ADAMTSL3: variants seen among roughly 807,000 people sequenced by gnomAD.
The protein encoded by ADAMTSL3 is ADAMTS like 3.
A neutral mutation model predicts 201.7 loss-of-function variants in ADAMTSL3; 128 were observed. The ratio of observed to expected loss-of-function variants is 0.63; its 90% CI spans 0.55 to 0.73. The LOEUF is 0.73. Among genes scored for constraint, ADAMTSL3 ranks in the 30% least tolerant of loss-of-function variants. The pLI is 0.00. For synonymous variants in ADAMTSL3, 738 were observed against 748.4 expected (o/e 0.99, Z 0.23); for missense variants, 1,990 against 2,119.6 (o/e 0.94, Z 1.20).
chr15:83,830,152 C>G (rs1054110817), intron 6 of ADAMTSL3, among the ~76,000 whole-genome samples: 16 of 152,044 alleles, frequency 1.1e-4, no homozygotes, highest in South Asian at 2.1e-4. Context: ...TGGGTGAGAA[C>G]AGGGGGCATG....
intron 23 of ADAMTSL3, among the ~76,000 whole-genome samples, chr15:84,003,148 G>A (rs899620268): frequency 2.0e-5 from 3 of 151,326 alleles, no homozygotes; most frequent in Admixed American, 1.3e-4. Context: ...CAGAGGTCTC[G>A]CTGTGCTGCC....
chr15:83,888,665 C>T (rs1349116545), intron 10 of ADAMTSL3, among the ~76,000 whole-genome samples: 1 of 152,188 alleles, frequency 6.6e-6, no homozygotes, highest in African/African-American at 2.4e-5. Context: ...CACTTGAGAT[C>T]AATTTGGAGA....
intron 2 of ADAMTSL3, among the ~76,000 whole-genome samples, chr15:83,683,872 A>C (rs1252230021): frequency 6.6e-6 from 1 of 152,160 alleles, no homozygotes; most frequent in Admixed American, 6.5e-5. Context: ...TTTTTCCCTA[A>C]GACATCTTAA....
intron 2 of ADAMTSL3, among the ~76,000 whole-genome samples, chr15:83,691,789 A>G (rs541397450): frequency 1.3e-5 from 2 of 152,014 alleles, no homozygotes; most frequent in South Asian, 4.2e-4. Flanking sequence ...TAATTTTTGT[A>G]TTTTTAGTAG....
At chr15:83,909,539 G>A (rs1206455493) in intron 15 of ADAMTSL3, among the ~76,000 whole-genome samples, 1 of 152,150 alleles carries the variant, frequency 6.6e-6, no homozygotes, top group Admixed American at 6.5e-5. Flanking sequence ...TTGTGCTTCA[G>A]AAAATCAATT....
intron 23 of ADAMTSL3, among the ~76,000 whole-genome samples, chr15:84,012,412 T>G (rs1337539386): frequency 6.6e-6 from 1 of 152,202 alleles, no homozygotes; most frequent in Non-Finnish European, 1.5e-5. Flanking sequence ...TCTCAGCTTT[T>G]AGAGGCCACC....
chr15:83,757,834 C>T (rs577430940), intron 3 of ADAMTSL3, among the ~76,000 whole-genome samples: 1 of 152,270 alleles, frequency 6.6e-6, no homozygotes, highest in Admixed American at 6.5e-5. Flanking sequence ...GAATCATCTC[C>T]CTCAAGTTCA....
intron 2 of ADAMTSL3, among the ~76,000 whole-genome samples, chr15:83,698,688 T>G (rs1365231707): frequency 6.6e-6 from 1 of 152,186 alleles, no homozygotes; most frequent in African/African-American, 2.4e-5. Flanking sequence ...GTCCAACGCA[T>G]GTTTGGTATG....
At chr15:83,788,010 A>G (rs1170463511) in intron 4 of ADAMTSL3, among the ~76,000 whole-genome samples, 1 of 152,178 alleles carries the variant, frequency 6.6e-6, no homozygotes, top group East Asian at 1.9e-4. Context: ...ATGTTATTAA[A>G]TTATGCCTCT....
chr15:83,829,346 T>C (rs2064099969), intron 6 of ADAMTSL3, among the ~76,000 whole-genome samples: 1 of 152,246 alleles, frequency 6.6e-6, no homozygotes, highest in South Asian at 2.1e-4. Context: ...GATGGTAGTT[T>C]GTATTTCTGT....
chr15:83,773,500 T>G lies in ADAMTSL3; in HGVS notation c.190-23T>G, dbSNP rs1284517684. ...ACTTTATTGTGTGGTTTTTTTTTTGTTTGTTTGCTTTTTAACATCTAGACC... is the reference window on the plus strand; with the variant it reads ...ACTTTATTGTGTGGTTTTTTTTTTGGTTGTTTGCTTTTTAACATCTAGACC... On this transcript the variant is annotated intron_variant, in intron 3 of 29. Coordinates refer to ENST00000286744, the MANE Select transcript of ADAMTSL3 (RefSeq NM_207517.3). 3.7e-6 allele frequency: 6 copies of G among 1,606,282 alleles called. 1 individual carries two copies. In the South Asian group the frequency reaches 6.7e-5, roughly 18 times the overall value.
At chr15:83,801,904 A>G (rs924923490) in intron 4 of ADAMTSL3, among the ~76,000 whole-genome samples, 1 of 151,414 alleles carries the variant, frequency 6.6e-6, no homozygotes, top group African/African-American at 2.4e-5. Flanking sequence ...GAAACACACG[A>G]CTGGATACAT....
At position 83,983,327 on chromosome 15, in the gene ADAMTSL3, G is replaced by A. The variant is rs112570520; in HGVS notation, c.3699G>A (p.Leu1233=). 3.9e-5 allele frequency: 60 copies of A among 1,523,948 alleles called. No individual in the cohort carries two copies. The highest frequency in any genetic ancestry group is 4.9e-5 in the Non-Finnish European group (56 of 1,137,100). The allele number at this position is 1,523,948 out of a possible 1,614,324, so 94.4% of individuals were successfully genotyped here. Reference sequence around the variant, plus strand: ...ATACATGGACCAAGGATGGAACCTTGTTACAGCCCTCAGTAAAGTAAGTAA... The same window carrying A: ...ATACATGGACCAAGGATGGAACCTTATTACAGCCCTCAGTAAAGTAAGTAA... ...ATYTWTKDGT[L]LQPSVKIILD... is the part of the protein sequence containing the mutation. Residue 1233 remains leucine, a synonymous_variant, in exon 21 of 30, where the codon TTG becomes TTA. Transcript: ENST00000286744.
intron 9 of ADAMTSL3, among the ~76,000 whole-genome samples, chr15:83,877,655 T>C (rs1362228058): frequency 6.6e-6 from 1 of 152,238 alleles, no homozygotes; most frequent in East Asian, 1.9e-4. Context: ...TGGAATTGCA[T>C]TGGATCTGTA....
intron 5 of ADAMTSL3, among the ~76,000 whole-genome samples, chr15:83,810,398 T>C (rs923367079): frequency 6.6e-6 from 1 of 152,264 alleles, no homozygotes; most frequent in Non-Finnish European, 1.5e-5. Context: ...CTAGCCTTCC[T>C]TTTAAACAAG....
chr15:83,820,373 G>A (rs766955168), intron 6 of ADAMTSL3, among the ~76,000 whole-genome samples: 7 of 152,088 alleles, frequency 4.6e-5, no homozygotes, highest in Non-Finnish European at 8.8e-5. Flanking sequence ...CCACCGCGCC[G>A]GGCCATCGAT....
intron 7 of ADAMTSL3, among the ~76,000 whole-genome samples, chr15:83,845,088 C>T (rs990402088): frequency 6.6e-6 from 1 of 152,222 alleles, no homozygotes; most frequent in Middle Eastern, 3.2e-3. Flanking sequence ...CATGTGTCTC[C>T]CTGCTCTTCA....
intron 13 of ADAMTSL3, among the ~76,000 whole-genome samples, chr15:83,896,077 A>G (rs573142759): frequency 2.4e-4 from 36 of 152,296 alleles, no homozygotes; most frequent in African/African-American, 6.0e-4. Context: ...GGCTTTGGCA[A>G]TAGATGGCTC....
chr15:83,821,291 G>A (rs2063860559), intron 6 of ADAMTSL3, among the ~76,000 whole-genome samples: 1 of 150,942 alleles, frequency 6.6e-6, no homozygotes, highest in Non-Finnish European at 1.5e-5. Context: ...TTCTCGCAGA[G>A]GGGGATTTGG....
Sources: gnomAD v4.1 joint callset for allele counts (sites outside exome capture counted in the v4.1 genomes callset) on GRCh38, gnomAD v4.1.1 for gene constraint, MANE v1.5 for transcripts, NCBI Gene and HGNC (gene_info 2026-07-23, HGNC 2026-07-21) for gene names.